Variants in ARHGEF10 observed in about 807,000 individuals in gnomAD.
ARHGEF10 encodes Rho guanine nucleotide exchange factor 10, also known as Rho guanine nucleotide exchange factor (GEF) 10.
In ARHGEF10, 140 loss-of-function variants were observed where a neutral mutation model predicts 147.4. That is an observed-to-expected ratio of 0.95 (90% confidence interval 0.83 to 1.09). The LOEUF is 1.09. Ranked by LOEUF, ARHGEF10 falls within the 50% of genes least tolerant of loss-of-function variation. The pLI, the probability that ARHGEF10 is intolerant of heterozygous loss-of-function variation, is 0.00. For missense variants in ARHGEF10, 2,222 were observed against 1,752.7 expected (o/e 1.27, Z -4.78); for synonymous variants, 902 against 695.8 (o/e 1.30, Z -4.67).
intron 27 of ARHGEF10, among the ~76,000 whole-genome samples, chr8:1,951,277 T>C (rs1289524206): frequency 2.0e-5 from 3 of 152,250 alleles, no homozygotes; most frequent in South Asian, 2.1e-4. Context: ...TCGCGTACCC[T>C]GCGTATCAGC....
chr8:1,921,484 T>C (rs1812284836), intron 18 of ARHGEF10, among the ~76,000 whole-genome samples: 1 of 152,114 alleles, frequency 6.6e-6, no homozygotes, highest in Non-Finnish European at 1.5e-5. Context: ...ATCCCAGCAC[T>C]TGGGAGGCCG....
intron 11 of ARHGEF10, among the ~76,000 whole-genome samples, chr8:1,887,475 G>A (rs529910369): frequency 7.3e-6 from 1 of 136,874 alleles, no homozygotes; most frequent in South Asian, 2.3e-4. Flanking sequence ...GGGTCTGTGA[G>A]GAGACACTGA....
At chr8:1,901,050 C>T (rs1170654832) in intron 15 of ARHGEF10, among the ~76,000 whole-genome samples, 1 of 151,874 alleles carries the variant, frequency 6.6e-6, no homozygotes, top group Non-Finnish European at 1.5e-5. Context: ...CAGGGTGGGT[C>T]CACGTACTTT....
At chr8:1,919,023 A>G (rs1431495957) in intron 18 of ARHGEF10, among the ~76,000 whole-genome samples, 5 of 105,072 alleles carry the variant, frequency 4.8e-5, no homozygotes, top group East Asian at 2.9e-4. Context: ...TGTTCTGTGG[A>G]TATGGAGCTG....
intron 27 of ARHGEF10, among the ~76,000 whole-genome samples, chr8:1,951,511 G>A (rs1815046070): frequency 6.6e-6 from 1 of 152,146 alleles, no homozygotes; most frequent in African/African-American, 2.4e-5. Flanking sequence ...AGGGTTTTTT[G>A]TTTTGGGGGA....
intron 1 of ARHGEF10, among the ~76,000 whole-genome samples, chr8:1,832,466 ACAGAGGCAGAGAGAGACACAGGCAGAGG>A (rs1333693738): frequency 6.0e-5 from 9 of 150,714 alleles, no homozygotes; most frequent in Non-Finnish European, 1.5e-5. Flanking sequence ...AGAGGCAGAG[ACAGAGGCAGAGAGAGACACAGGCAGAGG>A]CAGAGACACA....
intron 1 of ARHGEF10, among the ~76,000 whole-genome samples, chr8:1,842,287 T>C (rs1441056834): frequency 6.6e-6 from 1 of 151,982 alleles, no homozygotes; most frequent in Non-Finnish European, 1.5e-5. Context: ...CCATCCTCAT[T>C]GGAAAGTAGT....
rs1809647140 is a variant in ARHGEF10, at chr8:1,892,735, C to A, written c.1183-834C>A. Among the ~76,000 whole-genome samples, 4 of 152,050 alleles carry A rather than the reference C, an allele frequency of 2.6e-5. No individual in the cohort carries two copies. In the South Asian group the frequency reaches 8.3e-4, roughly 32 times the overall value. ...CAGGAGTGTGTGTGGTGTGGTGTGC[C>A]CGGGCGTGTGTTCATATGCGGGAGT... On this transcript the variant is annotated intron_variant, in intron 11 of 28. Coordinates refer to ENST00000349830, the MANE Select transcript of ARHGEF10 (RefSeq NM_014629.4).
intron 18 of ARHGEF10, among the ~76,000 whole-genome samples, chr8:1,916,696 G>C (rs1374784083): frequency 6.6e-6 from 1 of 152,144 alleles, no homozygotes; most frequent in Non-Finnish European, 1.5e-5. Flanking sequence ...AAAACTACTT[G>C]CTTATAGAGA....
In ARHGEF10 at chr8:1,893,565, A is replaced by T. The variant is rs201154931; in HGVS notation, c.1183-4A>T. 6.2e-7 allele frequency: 1 copy of T among 1,610,122 alleles called. No homozygotes were observed. Among genetic ancestry groups the T allele is most frequent in the South Asian group, 1.1e-5 (1 of 90,972 alleles). On this transcript the variant is annotated splice_polypyrimidine_tract_variant and splice_region_variant and intron_variant, in intron 11 of 28. Transcript: ENST00000349830. ...CTATCATTGTACTTCCAAATTTCCA[A>T]CAGGTTGTAAGAAGATATATACTGG... is the stretch of plus-strand genomic sequence containing the variant.
intron 8 of ARHGEF10, among the ~76,000 whole-genome samples, chr8:1,879,440 A>G (rs1332917532): frequency 2.6e-5 from 4 of 152,206 alleles, no homozygotes; most frequent in African/African-American, 9.6e-5. Context: ...GAATGATTTC[A>G]CAGATATTTT....
Position 1,893,570 on chromosome 8 carries a change from T to C in ARHGEF10, c.1184T>C (p.Val395Ala). ...ATTGTACTTCCAAATTTCCAACAGG[T>C]TGTAAGAAGATATATACTGGGTTCA... ...PMPEGLSQQQ[V>A]VRRYILGSVV... Residue 395 changes from valine (V) to alanine (A), a missense_variant and splice_region_variant, in exon 12 of 29, where the codon GTT becomes GCT. Val to Ala is a moderately conservative substitution (Grantham distance 64). Transcript: ENST00000349830. 1 of 1,611,514 alleles carries C rather than the reference T, an allele frequency of 6.2e-7. No homozygotes were observed. Among genetic ancestry groups the C allele is most frequent in the African/African-American group, 1.3e-5 (1 of 75,002 alleles).
Position 1,929,408 on chromosome 8 carries a change from T to A in ARHGEF10, c.3044T>A (p.Val1015Asp). Reference sequence around the variant, plus strand: ...TCTCAGAGCCTGTACGCTGGCCTGGTCAACGGGGCAGTCGCCAGCTACGCC... The same window carrying A: ...TCTCAGAGCCTGTACGCTGGCCTGGACAACGGGGCAGTCGCCAGCTACGCC... ...CTSQSLYAGLVNGAVASYARA... is the reference protein window; with the variant it reads ...CTSQSLYAGLDNGAVASYARA... The change falls in exon 25 of 29, where the codon GTC (valine) becomes GAC (aspartate). Residue 1015 changes from valine to aspartate, a missense_variant. Transcript: ENST00000349830. 1 of 1,611,852 alleles carries A rather than the reference T, an allele frequency of 6.2e-7. No homozygotes were observed. The highest frequency in any genetic ancestry group is 8.5e-7 in the Non-Finnish European group (1 of 1,179,324).
intron 1 of ARHGEF10, among the ~76,000 whole-genome samples, chr8:1,835,964 G>A (rs1270478678): frequency 2.0e-5 from 3 of 152,108 alleles, no homozygotes; most frequent in Non-Finnish European, 2.9e-5. Context: ...GGCAGATCAC[G>A]AGCTCAGGAG....
intron 18 of ARHGEF10, among the ~76,000 whole-genome samples, chr8:1,910,695 T>C (rs556432971): frequency 6.6e-6 from 1 of 152,340 alleles, no homozygotes; most frequent in Non-Finnish European, 1.5e-5. Context: ...GCAAATTGGA[T>C]GCCTTGTTAA....
chr8:1,843,446 C>G lies in ARHGEF10; in HGVS notation c.37+10C>G. ...CCTCCCGCTCCTGCAGGTAACAGCA[C>G]TCAGTAGGTGGGCCTGTGGGTCAGG... On this transcript the variant is annotated intron_variant, in intron 2 of 28. Coordinates refer to ENST00000349830, the MANE Select transcript of ARHGEF10 (RefSeq NM_014629.4). The G allele has an allele frequency of 6.2e-7, 1 of 1,609,878 alleles. No homozygotes were observed. The highest frequency in any genetic ancestry group is 1.3e-5 in the African/African-American group (1 of 74,942).
chr8:1,912,060 G>C (rs1181335729), intron 18 of ARHGEF10, among the ~76,000 whole-genome samples: 2 of 152,210 alleles, frequency 1.3e-5, no homozygotes, highest in Admixed American at 6.5e-5. Context: ...GATATTGACA[G>C]AGTGTAGGCA....
chr8:1,952,934 A>G, intron 28 of ARHGEF10, 107 bp downstream of exon 28: 1 of 1,471,352 alleles, frequency 6.8e-7, no homozygotes, highest in South Asian at 1.2e-5. Flanking sequence ...AACAATTCAT[A>G]TTATCTGTGG....
chr8:1,934,064 G>A, intron 26 of ARHGEF10, 122 bp downstream of exon 26: 1 of 1,328,858 alleles, frequency 7.5e-7, no homozygotes. Context: ...GCCGGGCACA[G>A]TGGCTCATGC....
Sources: allele counts gnomAD v4.1 joint callset (sites outside exome capture counted in the v4.1 genomes callset), GRCh38; gene constraint gnomAD v4.1.1; transcripts MANE v1.5; gene names NCBI Gene and HGNC (gene_info 2026-07-23, HGNC 2026-07-21).